ZNF521: variants seen among roughly 807,000 people sequenced by gnomAD.
ZNF521 encodes the protein LYST-interacting protein 3.
ZNF521 carries 14 observed loss-of-function variants against 105.5 expected under a neutral mutation model. That is an observed-to-expected ratio of 0.13 (90% CI 0.09 to 0.21). The LOEUF (loss-of-function observed/expected upper bound fraction) is 0.21, where lower values mean the gene tolerates loss of function less well. Among genes scored for constraint, ZNF521 ranks in the 10% least tolerant of loss-of-function variants. The pLI, the probability that ZNF521 is intolerant of heterozygous loss-of-function variation, is 1.00. For missense variants in ZNF521, 1,233 were observed against 1,629.7 expected, an observed-to-expected ratio of 0.76 and a Z score of 4.19; for synonymous variants, 635 against 606.0, an observed-to-expected ratio of 1.05 and a Z score of -0.70.
chr18:25,162,533 C>G (rs747830573), intron 5 of ZNF521, among the ~76,000 whole-genome samples: 1 of 152,214 alleles, frequency 6.6e-6, no homozygotes, highest in Non-Finnish European at 1.5e-5. Context: ...CAACAAACTT[C>G]TCTTGCATGC....
At chr18:25,290,208 C>A (rs558755540) in intron 3 of ZNF521, among the ~76,000 whole-genome samples, 1 of 152,150 alleles carries the variant, frequency 6.6e-6, no homozygotes, top group Non-Finnish European at 1.5e-5. Context: ...CTGAAGAAGG[C>A]GCTTTGATTA....
chr18:25,105,452 G>A (rs948354250), intron 5 of ZNF521, among the ~76,000 whole-genome samples: 2 of 152,090 alleles, frequency 1.3e-5, no homozygotes, highest in Admixed American at 6.6e-5. Flanking sequence ...TGGGCATGTC[G>A]AAGGCCCCAT....
At position 25,164,626 on chromosome 18, in the gene ZNF521, GACTAAGTTGT is replaced by G. The variant is rs1222612906; in HGVS notation, c.3658+30524_3658+30533del. Reference sequence around the variant, plus strand: ...CAGGAGATTTTTGCCCTCGCTCTGGGACTAAGTTGTCACGGTTGGCTTCTCCCCATACAAG... The same window carrying G: ...CAGGAGATTTTTGCCCTCGCTCTGGGCACGGTTGGCTTCTCCCCATACAAG... On this transcript the variant is annotated intron_variant, in intron 5 of 7. Coordinates refer to ENST00000361524, the MANE Select transcript of ZNF521 (RefSeq NM_015461.3). Among the ~76,000 whole-genome samples the G allele has an allele frequency of 2.6e-5, 4 of 152,252 alleles. No individual in the cohort carries two copies. In the East Asian group the frequency reaches 7.7e-4, roughly 29 times the overall value.
At chr18:25,248,066 T>C (rs1907850884) in intron 3 of ZNF521, among the ~76,000 whole-genome samples, 1 of 152,132 alleles carries the variant, frequency 6.6e-6, no homozygotes, top group Admixed American at 6.5e-5. Context: ...TAGTTTTGAA[T>C]CCAAATGTCA....
intron 3 of ZNF521, among the ~76,000 whole-genome samples, chr18:25,233,662 G>GT (rs373253299): frequency 0.025 from 2,896 of 114,336 alleles, 78 homozygotes; most frequent in African/African-American, 0.064. Context: ...AAGCTCAGAG[G>GT]TTTTTTTTTT....
chr18:25,113,338 T>C (rs1320739990), intron 5 of ZNF521, among the ~76,000 whole-genome samples: 1 of 152,142 alleles, frequency 6.6e-6, no homozygotes, highest in African/African-American at 2.4e-5. Flanking sequence ...AGCCTTCAGA[T>C]GAAAACCTTT....
At chr18:25,266,463 T>C (rs1045782424) in intron 3 of ZNF521, among the ~76,000 whole-genome samples, 2 of 152,164 alleles carry the variant, frequency 1.3e-5, no homozygotes, top group Non-Finnish European at 2.9e-5. Context: ...GCTGGCAAGA[T>C]GGCTGAACAG....
rs774175248 is a variant in ZNF521, at chr18:25,225,301, C to T, written c.2617G>A (p.Asp873Asn). ...TNSQESHNSHDGSEEDVDTSE... is the reference protein window; with the variant it reads ...TNSQESHNSHNGSEEDVDTSE... Reference sequence around the variant, plus strand: ...GTGTCAACGTCTTCTTCGCTCCCATCGTGACTGTTGTGGGACTCCTGGCTG... The same window carrying T: ...GTGTCAACGTCTTCTTCGCTCCCATTGTGACTGTTGTGGGACTCCTGGCTG... The change falls in exon 4 of 8, where the codon GAT (aspartate) becomes AAT (asparagine). Residue 873 changes from aspartate to asparagine, a missense_variant. Coordinates refer to ENST00000361524, the MANE Select transcript of ZNF521 (RefSeq NM_015461.3). The surrounding 1 kb of genome is among the most constrained non-coding windows in gnomAD (Gnocchi z 5.6). 4 of 1,614,056 alleles carry T rather than the reference C, an allele frequency of 2.5e-6. No individual in the cohort carries two copies. Among genetic ancestry groups the T allele is most frequent in the African/African-American group, 2.7e-5 (2 of 74,922 alleles).
At chr18:25,295,975 T>G (rs893834786) in intron 3 of ZNF521, among the ~76,000 whole-genome samples, 27 of 152,234 alleles carry the variant, frequency 1.8e-4, no homozygotes, top group Admixed American at 2.6e-4. Context: ...TTTTGCTAAT[T>G]TGACAGATAT....
intron 7 of ZNF521, among the ~76,000 whole-genome samples, chr18:25,071,332 A>C (rs2033216592): frequency 6.6e-6 from 1 of 152,180 alleles, no homozygotes; most frequent in Non-Finnish European, 1.5e-5. Flanking sequence ...TATTTCCAGA[A>C]GTGTTCATTC....
At chr18:25,124,528 A>G (rs574165243) in intron 5 of ZNF521, among the ~76,000 whole-genome samples, 1 of 152,250 alleles carries the variant, frequency 6.6e-6, no homozygotes, top group Admixed American at 6.5e-5. Flanking sequence ...TTTCAGAGCC[A>G]TCCTTTATTT....
intron 5 of ZNF521, among the ~76,000 whole-genome samples, chr18:25,147,369 A>T (rs1053627161): frequency 6.6e-6 from 1 of 152,146 alleles, no homozygotes; most frequent in Admixed American, 6.5e-5. Context: ...ATCAATCACC[A>T]TCTTGCAAGG....
chr18:25,333,252 G>A (rs1913682159), intron 2 of ZNF521, among the ~76,000 whole-genome samples: 1 of 149,558 alleles, frequency 6.7e-6, no homozygotes, highest in Admixed American at 6.7e-5. Context: ...TATTTGTTTT[G>A]CTTTTTTACT....
chr18:25,270,198 T>G (rs1442446530), intron 3 of ZNF521, among the ~76,000 whole-genome samples: 1 of 152,002 alleles, frequency 6.6e-6, no homozygotes, highest in African/African-American at 2.4e-5. Flanking sequence ...ATGGATAAAT[T>G]CCGGGACACA....
chr18:25,175,650 A>G (rs537103535), intron 5 of ZNF521, among the ~76,000 whole-genome samples: 2 of 152,274 alleles, frequency 1.3e-5, no homozygotes, highest in Non-Finnish European at 1.5e-5. Flanking sequence ...TGATACCTGG[A>G]CTTGTTCACA....
chr18:25,276,945 G>C (rs1248667528), intron 3 of ZNF521, among the ~76,000 whole-genome samples: 2 of 152,192 alleles, frequency 1.3e-5, no homozygotes, highest in Non-Finnish European at 2.9e-5. Flanking sequence ...CACTTTGGGA[G>C]ACCAAGGCGG....
At chr18:25,095,474 C>T (rs369864513) in intron 5 of ZNF521, among the ~76,000 whole-genome samples, 2 of 152,002 alleles carry the variant, frequency 1.3e-5, no homozygotes, top group African/African-American at 4.8e-5. Flanking sequence ...CTAGTACAGC[C>T]CTATTTTTTA....
intron 3 of ZNF521, among the ~76,000 whole-genome samples, chr18:25,283,088 A>G (rs545302270): frequency 6.6e-6 from 1 of 152,346 alleles, no homozygotes; most frequent in South Asian, 2.1e-4. Context: ...GGATGGGACA[A>G]GCACTCTATC....
At position 25,209,489 on chromosome 18, in the gene ZNF521, G is replaced by A. The variant is rs188856818; in HGVS notation, c.3574-14245C>T. On this transcript the variant is annotated intron_variant, in intron 4 of 7. Coordinates refer to ENST00000361524, the MANE Select transcript of ZNF521 (RefSeq NM_015461.3). ...CAAAAAGAGAGACAATTTTTACTAC[G>A]TTTTCCCCCCAGTATGTAAATACTG... Among the ~76,000 whole-genome samples, 38 of 152,182 alleles carry A rather than the reference G, an allele frequency of 2.5e-4. 1 individual carries two copies. The highest frequency in any genetic ancestry group is 1.9e-3 in the East Asian group (10 of 5,178).
Sources: allele counts gnomAD v4.1 joint callset (sites outside exome capture counted in the v4.1 genomes callset), GRCh38; gene constraint gnomAD v4.1.1; non-coding constraint Gnocchi (gnomAD v3.1); transcripts MANE v1.5; gene names NCBI Gene and HGNC (gene_info 2026-07-23, HGNC 2026-07-21).